Variants in ZNF217 observed in about 807,000 individuals in gnomAD.
ZNF217 encodes zinc finger protein 217.
A neutral mutation model predicts 73.3 loss-of-function variants in ZNF217; 12 were observed. The ratio of observed to expected loss-of-function variants is 0.16; its 90% CI spans 0.10 to 0.27. The LOEUF is 0.27. ZNF217 is among the 10% of genes least tolerant of loss of function. ZNF217 has a pLI of 1.00. For missense variants in ZNF217, 1,195 were observed against 1,327.8 expected (o/e 0.90, Z 1.55); for synonymous variants, 588 against 516.4 (o/e 1.14, Z -1.88).
intron 1 of ZNF217, among the ~76,000 whole-genome samples, chr20:53,590,038 A>C (rs1458033527): frequency 6.6e-6 from 1 of 151,884 alleles, no homozygotes; most frequent in African/African-American, 2.4e-5. Context: ...CTTTAATTCC[A>C]TGTTGGTAGC....
Position 53,569,128 on chromosome 20 carries a change from A to C in ZNF217, c.*160T>G, listed in dbSNP as rs752722350. The C allele has an allele frequency of 7.5e-7, 1 of 1,334,746 alleles. No homozygotes were observed. The highest frequency in any genetic ancestry group is 1.5e-5 in the African/African-American group (1 of 66,990). The allele number at this position is 1,334,746 out of a possible 1,614,324, so 82.7% of individuals were successfully genotyped here. A position where few individuals can be genotyped will look rare whatever the true frequency, so the allele number is the denominator to read the frequency against. On this transcript the variant is annotated 3_prime_UTR_variant, in exon 6 of 6. Coordinates refer to ENST00000371471, the MANE Select transcript of ZNF217 (RefSeq NM_006526.3). ...TAACAGAACAACTTTACACAACTGT[A>C]GTGTTCCTTGCAGATTCCTCATATG...
In ZNF217 at chr20:53,581,366, G is replaced by T; in HGVS notation, c.1366+95C>A. On this transcript the variant is annotated intron_variant, in intron 2 of 5. Coordinates refer to ENST00000371471, the MANE Select transcript of ZNF217 (RefSeq NM_006526.3). This position sits in a 1 kb window ranked among gnomAD's most constrained non-coding sequence, Gnocchi z 4.9. ...CTCTGGCTCTCCAAACCCCATTCCTGGCCAGCGTTGTCTGGAGATGGGAAT... is the reference window on the plus strand; with the variant it reads ...CTCTGGCTCTCCAAACCCCATTCCTTGCCAGCGTTGTCTGGAGATGGGAAT... The T allele has an allele frequency of 1.3e-6, 2 of 1,487,544 alleles. No individual in the cohort carries two copies. The highest frequency in any genetic ancestry group is 2.7e-5 in the South Asian group (2 of 74,602). The allele number at this position is 1,487,544 out of a possible 1,614,324, so 92.1% of individuals were successfully genotyped here.
intron 1 of ZNF217, among the ~76,000 whole-genome samples, chr20:53,584,942 CAA>C (rs1988637140): frequency 1.3e-5 from 2 of 151,680 alleles, no homozygotes; most frequent in African/African-American, 4.8e-5. Flanking sequence ...TGGCCAAGAA[CAA>C]AGACTCATTT....
intron 4 of ZNF217, 28 bp downstream of exon 4, chr20:53,575,698 AT>A: frequency 1.3e-6 from 2 of 1,529,926 alleles, no homozygotes; most frequent in Non-Finnish European, 1.8e-6. Flanking sequence ...GTAGGCAGCC[AT>A]TTAAACACGA....
At chr20:53,579,252 C>T (rs1003602774) in intron 2 of ZNF217, among the ~76,000 whole-genome samples, 3 of 152,066 alleles carry the variant, frequency 2.0e-5, no homozygotes, top group Admixed American at 6.6e-5. Flanking sequence ...GAGGTGCTGC[C>T]GTTAAAATAC....
intron 3 of ZNF217, 62 bp downstream of exon 3, chr20:53,578,271 CA>C: frequency 9.3e-6 from 11 of 1,183,828 alleles, no homozygotes; most frequent in East Asian, 5.0e-5. Context: ...ACAACAACAA[CA>C]AAAAAATTAG....
intron 2 of ZNF217, among the ~76,000 whole-genome samples, chr20:53,580,264 C>T (rs913850656): frequency 2.0e-5 from 3 of 152,184 alleles, no homozygotes; most frequent in African/African-American, 4.8e-5. Flanking sequence ...TCCAATCAAT[C>T]GTGTGGGCAA....
intron 5 of ZNF217, among the ~76,000 whole-genome samples, chr20:53,570,658 A>G (rs1404895467): frequency 6.6e-6 from 1 of 152,174 alleles, no homozygotes; most frequent in Non-Finnish European, 1.5e-5. Context: ...GCCTTACGGG[A>G]CGGCGGTGCA....
At chr20:53,572,164 GTGT>G (rs1481322399) in intron 4 of ZNF217, among the ~76,000 whole-genome samples, 2 of 152,164 alleles carry the variant, frequency 1.3e-5, no homozygotes, top group African/African-American at 4.8e-5. Context: ...CTATGTAAAA[GTGT>G]TGTTTTTTGC....
Position 53,571,855 on chromosome 20 carries a change from T to C in ZNF217, c.3038-2A>G. 12 of 1,582,920 alleles carry C rather than the reference T, an allele frequency of 7.6e-6. No homozygotes were observed. The highest frequency in any genetic ancestry group is 1.0e-5 in the Non-Finnish European group (12 of 1,170,200). ...GTTGATATGACACAGGCCTTTTTCC[T>C]GATTGAAAAAAAAAACATATTTAGA... On this transcript the variant is annotated splice_acceptor_variant, in intron 4 of 5. Transcript: ENST00000371471. LOFTEE classifies it high-confidence loss of function.
chr20:53,596,253 G>A (rs1437294168), upstream of ZNF217, among the ~76,000 whole-genome samples: 1 of 145,150 alleles, frequency 6.9e-6, no homozygotes, highest in African/African-American at 2.6e-5. Flanking sequence ...AAAAAAAAAA[G>A]AGAGCGCCTT....
intron 5 of ZNF217, 93 bp from the exon 6 acceptor site, chr20:53,569,357 A>T (rs1343249016): frequency 2.2e-6 from 2 of 898,096 alleles, no homozygotes; most frequent in African/African-American, 1.8e-5. Flanking sequence ...CATAGAACCA[A>T]ACTGACCTAG....
At chr20:53,577,330 A>C (rs1440243876) in intron 3 of ZNF217, 50 bp from the exon 4 acceptor site, 5 of 1,456,850 alleles carry the variant, frequency 3.4e-6, no homozygotes, top group African/African-American at 1.4e-5. Flanking sequence ...AAAGCACTGA[A>C]ATAGATCAAA....
chr20:53,595,596 G>A (rs1989028045), upstream of ZNF217, among the ~76,000 whole-genome samples: 1 of 151,772 alleles, frequency 6.6e-6, no homozygotes, highest in South Asian at 2.1e-4. Flanking sequence ...AAAAGGAAGC[G>A]AATCAATTAC....
chr20:53,590,873 T>G (rs1044319655), intron 1 of ZNF217, among the ~76,000 whole-genome samples: 13 of 152,226 alleles, frequency 8.5e-5, no homozygotes, highest in Admixed American at 7.8e-4. Context: ...GATTAAGTCT[T>G]ATTTTCAGAT....
chr20:53,597,037 T>C (rs1989052119), upstream of ZNF217, among the ~76,000 whole-genome samples: 1 of 141,902 alleles, frequency 7.0e-6, no homozygotes, highest in African/African-American at 2.7e-5. Flanking sequence ...TCTGATTTTC[T>C]ATCCAGATCC....
At chr20:53,591,902 C>G (rs1354604612) in intron 1 of ZNF217, among the ~76,000 whole-genome samples, 1 of 152,162 alleles carries the variant, frequency 6.6e-6, no homozygotes, top group African/African-American at 2.4e-5. Context: ...GAAAGAAGTA[C>G]AGTAAAATAA....
At chr20:53,595,947 C>A (rs2145993386), upstream of ZNF217, among the ~76,000 whole-genome samples, 2 of 152,304 alleles carry the variant, frequency 1.3e-5, no homozygotes, top group Middle Eastern at 3.4e-3. Flanking sequence ...AACCTTTGAA[C>A]TCCGAGACCT....
At chr20:53,586,345 C>T (rs774687925) in intron 1 of ZNF217, among the ~76,000 whole-genome samples, 3 of 152,166 alleles carry the variant, frequency 2.0e-5, no homozygotes, top group Non-Finnish European at 4.4e-5. Flanking sequence ...AAAACTTCTA[C>T]ATGGCTATCA....
Sources: allele counts gnomAD v4.1 joint callset (sites outside exome capture counted in the v4.1 genomes callset), GRCh38; gene constraint gnomAD v4.1.1; non-coding constraint Gnocchi (gnomAD v3.1); transcripts MANE v1.5; gene names NCBI Gene and HGNC (gene_info 2026-07-23, HGNC 2026-07-21).